UBE2D4: variants seen among roughly 807,000 people sequenced by gnomAD.
UBE2D4 encodes ubiquitin conjugating enzyme E2 D4.
A neutral mutation model predicts 23.0 loss-of-function variants in UBE2D4; 17 were observed. The observed-to-expected ratio is 0.74, with a 90% CI of 0.51 to 1.11. The LOEUF (loss-of-function observed/expected upper bound fraction) is 1.11. Ranked by LOEUF, UBE2D4 falls within the 50% of genes least tolerant of loss-of-function variation. The pLI, the probability that UBE2D4 is intolerant of heterozygous loss-of-function variation, is 0.00. For missense variants in UBE2D4, 139 were observed against 181.8 expected (o/e 0.76, Z 1.35); for synonymous variants, 61 against 69.4 (o/e 0.88, Z 0.60).
chr7:43,931,398 C>T (rs933297149), intron 1 of UBE2D4, among the ~76,000 whole-genome samples: 1 of 152,158 alleles, frequency 6.6e-6, no homozygotes, highest in Non-Finnish European at 1.5e-5. Context: ...GAGCCGATAT[C>T]GTGCCACTGC....
intron 6 of UBE2D4, 49 bp downstream of exon 6, chr7:43,950,741 CTCCATGCAGT>C (rs1562608306): frequency 1.4e-6 from 2 of 1,451,372 alleles, no homozygotes; most frequent in East Asian, 4.5e-5. Context: ...CCCCAGGCAG[CTCCATGCAGT>C]ACCTGTGCTC....
intron 5 of UBE2D4, 105 bp downstream of exon 5, chr7:43,948,842 G>A (rs776014908): frequency 2.9e-5 from 25 of 861,032 alleles, no homozygotes; most frequent in South Asian, 2.2e-4. Context: ...ACCTTTCCCA[G>A]GTCACATAGC....
At chr7:43,951,522 T>C (rs2096002433) in intron 6 of UBE2D4, among the ~76,000 whole-genome samples, 1 of 151,774 alleles carries the variant, frequency 6.6e-6, no homozygotes, top group Admixed American at 6.6e-5. Context: ...GAGATTAGAA[T>C]AGAGTATGTT....
chr7:43,927,332 G>GTCGCCCAGGCTGGAGTA (rs1054741683), intron 1 of UBE2D4, among the ~76,000 whole-genome samples: 4 of 122,958 alleles, frequency 3.3e-5, no homozygotes, highest in South Asian at 4.9e-4. Context: ...GTCTTGCTCT[G>GTCGCCCAGGCTGGAGTA]TCGCCCAGGC....
Position 43,945,391 on chromosome 7 carries a change from T to G in UBE2D4, c.198+2360T>G, listed in dbSNP as rs558666579. On this transcript the variant is annotated intron_variant, in intron 4 of 6. Transcript: ENST00000222402. ...GTGAGCTGAAAGGTGACAGTGACAC[T>G]CTATGAGAGAAGAAAGTGCTTCTGT... Among the ~76,000 whole-genome samples, 16 of 152,332 alleles carry G rather than the reference T, an allele frequency of 1.1e-4. No individual in the cohort carries two copies. The East Asian group carries it at 2.7e-3, about 26-fold the overall frequency.
At chr7:43,950,484 TGAAGG>T (rs2095999735) in intron 5 of UBE2D4, 110 bp from the exon 6 acceptor site, 2 of 769,656 alleles carry the variant, frequency 2.6e-6, no homozygotes, top group Non-Finnish European at 4.5e-6. Flanking sequence ...ATTGGGCTGT[TGAAGG>T]GAAGACAACT....
intron 2 of UBE2D4, chr7:43,940,767 G>A (rs940596923): frequency 4.6e-5 from 7 of 152,066 alleles, no homozygotes; most frequent in Admixed American, 2.6e-4. Flanking sequence ...CTAACCTTCC[G>A]TTCTGAAATA....
In UBE2D4 at chr7:43,942,688, A is replaced by C. The variant is rs2095975799; in HGVS notation, c.89-138A>C. 3.2e-6 allele frequency: 4 copies of C among 1,256,626 alleles called. No individual in the cohort carries two copies. The Admixed American group carries it at 7.0e-5, about 22-fold the overall frequency. 77.8% of individuals were successfully genotyped at this position (1,256,626 alleles called of 1,614,324 possible). ...TTATTGCATCTTGGGTGGTTTGGGGAACCCCAGTCTTGCAGTTGGTGTCAG... is the reference window on the plus strand; with the variant it reads ...TTATTGCATCTTGGGTGGTTTGGGGCACCCCAGTCTTGCAGTTGGTGTCAG... On this transcript the variant is annotated intron_variant, in intron 2 of 6. Coordinates refer to ENST00000222402, the MANE Select transcript of UBE2D4 (RefSeq NM_015983.4).
intron 1 of UBE2D4, among the ~76,000 whole-genome samples, chr7:43,933,859 C>A (rs534958159): frequency 6.6e-6 from 1 of 152,286 alleles, no homozygotes; most frequent in South Asian, 2.1e-4. Context: ...ATGCTTCTTA[C>A]AATAGCTGTC....
intron 4 of UBE2D4, among the ~76,000 whole-genome samples, chr7:43,947,006 T>G (rs995105861): frequency 5.3e-5 from 8 of 152,218 alleles, no homozygotes; most frequent in Non-Finnish European, 1.0e-4. Context: ...ATTACGTATT[T>G]CTCCTAATGC....
chr7:43,945,776 C>CTTTTTTT (rs11339851), intron 4 of UBE2D4, among the ~76,000 whole-genome samples: 2 of 84,190 alleles, frequency 2.4e-5, no homozygotes, highest in African/African-American at 4.3e-5. Flanking sequence ...GGCAAAATCC[C>CTTTTTTT]TTTTTTTTTT....
intron 1 of UBE2D4, among the ~76,000 whole-genome samples, chr7:43,929,311 C>T (rs977569992): frequency 9.2e-5 from 14 of 151,914 alleles, no homozygotes; most frequent in Non-Finnish European, 2.1e-4. Flanking sequence ...CCTGTAATCC[C>T]AGCTACTTGG....
intron 1 of UBE2D4, 78 bp downstream of exon 1, chr7:43,926,634 GA>G: frequency 1.4e-6 from 2 of 1,437,696 alleles, no homozygotes; most frequent in Admixed American, 2.6e-5. Flanking sequence ...GCCGTGAAGT[GA>G]AAGGTGACGG....
chr7:43,952,147 A>G (rs770196559), intron 6 of UBE2D4: 4 of 158,766 alleles, frequency 2.5e-5, no homozygotes, highest in Non-Finnish European at 4.2e-5. Context: ...CCACAAGCAC[A>G]CAAGGCAGAT....
At chr7:43,946,867 G>A (rs1839510636) in intron 4 of UBE2D4, among the ~76,000 whole-genome samples, 1 of 152,102 alleles carries the variant, frequency 6.6e-6, no homozygotes, top group Non-Finnish European at 1.5e-5. Flanking sequence ...CACGGCCTGA[G>A]CTTCTCTTTT....
chr7:43,950,545 G>C (rs1267869358), intron 5 of UBE2D4, 54 bp from the exon 6 acceptor site: 1 of 1,447,456 alleles, frequency 6.9e-7, no homozygotes, highest in Non-Finnish European at 9.7e-7. Flanking sequence ...TTTACCCAGG[G>C]GTGACCCAGC....
intron 2 of UBE2D4, among the ~76,000 whole-genome samples, chr7:43,940,096 T>C (rs1002708993): frequency 2.6e-5 from 4 of 152,234 alleles, no homozygotes; most frequent in South Asian, 2.1e-4. Context: ...TGTGCCTGCA[T>C]GTCCTGGGAG....
Position 43,954,011 on chromosome 7 carries a change from A to C in UBE2D4, c.*1316A>C, listed in dbSNP as rs1036613004. ...AGACCTAACATAAGCAGTCAGCCAAAGGTGGCTGTGGGAGGTTGATTTCTT... is the reference window on the plus strand; with the variant it reads ...AGACCTAACATAAGCAGTCAGCCAACGGTGGCTGTGGGAGGTTGATTTCTT... On this transcript the variant is annotated 3_prime_UTR_variant, in exon 7 of 7. Coordinates refer to ENST00000222402, the MANE Select transcript of UBE2D4 (RefSeq NM_015983.4). The C allele has an allele frequency of 6.6e-6, 1 of 152,250 alleles. No individual in the cohort carries two copies. The highest frequency in any genetic ancestry group is 2.4e-5 in the African/African-American group (1 of 41,460). 9.4% of individuals were successfully genotyped at this position (152,250 alleles called of 1,614,324 possible). A position where few individuals can be genotyped will look rare whatever the true frequency, so the allele number is the denominator to read the frequency against.
intron 1 of UBE2D4, among the ~76,000 whole-genome samples, chr7:43,931,484 G>A (rs895396728): frequency 1.3e-5 from 2 of 152,010 alleles, no homozygotes; most frequent in African/African-American, 2.4e-5. Flanking sequence ...CCTGAGATGA[G>A]GTAATTTAGG....
Sources: gnomAD v4.1 joint callset for allele counts (sites outside exome capture counted in the v4.1 genomes callset) on GRCh38, gnomAD v4.1.1 for gene constraint, MANE v1.5 for transcripts, NCBI Gene and HGNC (gene_info 2026-07-23, HGNC 2026-07-21) for gene names.